IL1RAPL1: variants seen among roughly 807,000 people sequenced by gnomAD.
The protein encoded by IL1RAPL1 is interleukin-1 receptor accessory protein-like 1.
Under a neutral mutation model 48.4 loss-of-function variants are expected in IL1RAPL1, and 3 were observed. The observed-to-expected ratio is 0.06, with a 90% CI of 0.03 to 0.16. The LOEUF is 0.16. IL1RAPL1 is among the 10% of genes least tolerant of loss of function. The pLI, the probability that IL1RAPL1 is intolerant of heterozygous loss-of-function variation, is 1.00. For missense variants in IL1RAPL1, 349 were observed against 530.6 expected, an observed-to-expected ratio of 0.66 and a Z score of 3.36; for synonymous variants, 185 against 187.7, an observed-to-expected ratio of 0.99 and a Z score of 0.12.
chrX:29,047,243 C>T (rs1478946064), intron 2 of IL1RAPL1, among the ~76,000 whole-genome samples: 1 of 112,323 alleles, frequency 8.9e-6, no homozygotes, highest in Non-Finnish European at 1.9e-5. Flanking sequence ...GCAAGTAAAA[C>T]AAAACAAAAA....
At chrX:28,787,337 G>T (rs780053603) in intron 1 of IL1RAPL1, among the ~76,000 whole-genome samples, 1 of 111,770 alleles carries the variant, frequency 8.9e-6, no homozygotes, top group Non-Finnish European at 1.9e-5. Context: ...AAGGCTGAAG[G>T]TGTCAACTTG....
chrX:29,476,156 C>A (rs1421702647), intron 5 of IL1RAPL1, among the ~76,000 whole-genome samples: 3 of 111,144 alleles, frequency 2.7e-5, no homozygotes. Flanking sequence ...GCCTGAAGGT[C>A]AAGGACTGAA....
At chrX:29,495,876 CCT>C (rs774596436) in intron 5 of IL1RAPL1, among the ~76,000 whole-genome samples, 89 of 106,338 alleles carry the variant, frequency 8.4e-4, no homozygotes, top group Admixed American at 7.1e-4. Flanking sequence ...TCTCTGTCTT[CCT>C]CTCTCTCTCT....
At chrX:29,598,169 G>A (rs1923611707) in intron 5 of IL1RAPL1, among the ~76,000 whole-genome samples, 1 of 111,737 alleles carries the variant, frequency 8.9e-6, no homozygotes, top group African/African-American at 3.3e-5. Flanking sequence ...TTAATATTAT[G>A]AACTTTCCTG....
At chrX:29,705,547 C>T (rs1190695360) in intron 6 of IL1RAPL1, among the ~76,000 whole-genome samples, 1 of 112,299 alleles carries the variant, frequency 8.9e-6, no homozygotes. Context: ...TTTGGCCCTC[C>T]TCCTAGCCCC....
In IL1RAPL1 at chrX:29,217,256, T is replaced by G. The variant is rs760779109; in HGVS notation, c.83-65682T>G. On this transcript the variant is annotated intron_variant, in intron 2 of 10. Coordinates refer to ENST00000378993, the MANE Select transcript of IL1RAPL1 (RefSeq NM_014271.4). ...GCTAGTCTAGACCAAATCAATTGACTTCATGACCCAATAATAGATACAACT... is the reference window on the plus strand; with the variant it reads ...GCTAGTCTAGACCAAATCAATTGACGTCATGACCCAATAATAGATACAACT... Among the ~76,000 whole-genome samples the G allele has an allele frequency of 4.4e-5, 5 of 112,413 alleles. No individual in the cohort carries two copies. The East Asian group carries it at 1.4e-3, about 31-fold the overall frequency.
At chrX:29,837,258 C>CAAAAAAAAAAAAA (rs34032700) in intron 6 of IL1RAPL1, among the ~76,000 whole-genome samples, 1 of 30,035 alleles carries the variant, frequency 3.3e-5, no homozygotes, top group African/African-American at 1.9e-4. Flanking sequence ...GACTGCATCT[C>CAAAAAAAAAAAAA]AAAAAAAAAA....
intron 2 of IL1RAPL1, among the ~76,000 whole-genome samples, chrX:28,990,523 T>C (rs1925578598): frequency 1.8e-5 from 2 of 111,844 alleles, no homozygotes; most frequent in Non-Finnish European, 3.8e-5. Flanking sequence ...ATCTGAAGCT[T>C]AAGTTTCCTA....
At chrX:29,402,276 A>T (rs28488785) in intron 5 of IL1RAPL1, among the ~76,000 whole-genome samples, 42,003 of 109,979 alleles carry the variant, frequency 0.38, 6,472 homozygotes, top group Middle Eastern at 0.57. Context: ...AAGGTTTTTT[A>T]TCTTCTCCTT....
intron 2 of IL1RAPL1, among the ~76,000 whole-genome samples, chrX:29,100,532 T>G (rs1185388016): frequency 8.9e-6 from 1 of 111,851 alleles, no homozygotes; most frequent in African/African-American, 3.3e-5. Context: ...GTGGTAGACT[T>G]TCAGTTAGTT....
At chrX:28,792,816 A>AAAAATATATATATATAT (rs1936562170) in intron 2 of IL1RAPL1, among the ~76,000 whole-genome samples, 1 of 10,109 alleles carries the variant, frequency 9.9e-5, no homozygotes, top group African/African-American at 3.4e-4. Flanking sequence ...AAAAAAAAAA[A>AAAAATATATATATATAT]ATATATATAT....
chrX:29,238,194 G>A (rs193296821), intron 2 of IL1RAPL1, among the ~76,000 whole-genome samples: 4 of 111,849 alleles, frequency 3.6e-5, no homozygotes, highest in African/African-American at 1.3e-4. Flanking sequence ...GCTGAATGAT[G>A]AGGACAGAGT....
intron 6 of IL1RAPL1, among the ~76,000 whole-genome samples, chrX:29,755,027 T>G (rs772664167): frequency 2.3e-4 from 26 of 112,093 alleles, no homozygotes; most frequent in African/African-American, 8.1e-4. Flanking sequence ...CAGTGGTTGT[T>G]GGCAGAATTT....
At chrX:29,018,579 G>A (rs1487416536) in intron 2 of IL1RAPL1, among the ~76,000 whole-genome samples, 2 of 112,005 alleles carry the variant, frequency 1.8e-5, no homozygotes, top group African/African-American at 6.5e-5. Context: ...GCAAAGCCAT[G>A]TTAAACAGCT....
At chrX:29,863,362 T>C (rs1043216614) in intron 6 of IL1RAPL1, among the ~76,000 whole-genome samples, 3 of 112,179 alleles carry the variant, frequency 2.7e-5, no homozygotes, top group Non-Finnish European at 5.6e-5. Context: ...CATGTTCCTT[T>C]AATTAGAAAG....
chrX:29,440,276 T>C (rs897676858), intron 5 of IL1RAPL1, among the ~76,000 whole-genome samples: 1 of 111,084 alleles, frequency 9.0e-6, no homozygotes, highest in Admixed American at 9.6e-5. Context: ...AGGCATGTAG[T>C]ACCTGATATT....
At chrX:29,429,926 T>TGA (rs751719379) in intron 5 of IL1RAPL1, among the ~76,000 whole-genome samples, 3 of 106,390 alleles carry the variant, frequency 2.8e-5, no homozygotes, top group African/African-American at 6.9e-5. Context: ...TGTGTGTGTG[T>TGA]ATTTTTTTTT....
At chrX:28,893,605 G>A (rs768698746) in intron 2 of IL1RAPL1, among the ~76,000 whole-genome samples, 1 of 111,478 alleles carries the variant, frequency 9.0e-6, no homozygotes, top group East Asian at 2.8e-4. Flanking sequence ...CTGGGCGGGG[G>A]CAAATCCCTG....
At chrX:28,947,111 C>T (rs926660635) in intron 2 of IL1RAPL1, among the ~76,000 whole-genome samples, 1 of 111,466 alleles carries the variant, frequency 9.0e-6, no homozygotes, top group Non-Finnish European at 1.9e-5. Flanking sequence ...GCTTTCTTGA[C>T]TTTTCCTTTT....
Sources: allele counts gnomAD v4.1 joint callset (sites outside exome capture counted in the v4.1 genomes callset), GRCh38; gene constraint gnomAD v4.1.1; transcripts MANE v1.5; gene names NCBI Gene and HGNC (gene_info 2026-07-23, HGNC 2026-07-21).